The following CNTN1 variants were observed in gnomAD, a reference collection of about 807,000 sequenced individuals.
CNTN1 encodes contactin 1.
Under a neutral mutation model 126.4 loss-of-function variants are expected in CNTN1, and 38 were observed. The observed-to-expected ratio is 0.30, with a 90% CI of 0.23 to 0.39. The LOEUF (loss-of-function observed/expected upper bound fraction) is 0.39, where lower values mean the gene tolerates loss of function less well. Ranked by LOEUF, CNTN1 falls within the 10% of genes least tolerant of loss-of-function variation. The probability of loss-of-function intolerance (pLI) is 1.00; values close to 1 mark genes in which losing one functional copy is unlikely to be tolerated. For synonymous variants in CNTN1, 413 were observed against 422.6 expected (o/e 0.98, Z 0.28); for missense variants, 1,009 against 1,248.4 (o/e 0.81, Z 2.89).
chr12:40,954,393 T>G (rs990992897), intron 14 of CNTN1, among the ~76,000 whole-genome samples: 8 of 152,070 alleles, frequency 5.3e-5, no homozygotes, highest in African/African-American at 1.7e-4. Flanking sequence ...TAAAAATTAC[T>G]TAGACATATA....
chr12:40,802,044 A>T (rs1940677917), intron 1 of CNTN1, among the ~76,000 whole-genome samples: 1 of 151,962 alleles, frequency 6.6e-6, no homozygotes, highest in African/African-American at 2.4e-5. Context: ...AAACATGAGC[A>T]GATGGTGTAG....
chr12:40,947,788 C>T (rs796336558), intron 14 of CNTN1, among the ~76,000 whole-genome samples: 49,106 of 99,968 alleles, frequency 0.49, 9,346 homozygotes, highest in African/African-American at 0.56. Flanking sequence ...TATATACACA[C>T]ACACACACAC....
At chr12:40,808,205 C>T (rs1366993852) in intron 1 of CNTN1, among the ~76,000 whole-genome samples, 1 of 152,026 alleles carries the variant, frequency 6.6e-6, no homozygotes, top group African/African-American at 2.4e-5. Flanking sequence ...GTGTTAAAAT[C>T]AAAATTTAAA....
intron 12 of CNTN1, 29 bp from the exon 13 acceptor site, chr12:40,943,568 G>T: frequency 2.0e-6 from 3 of 1,493,468 alleles, no homozygotes; most frequent in African/African-American, 1.4e-5. Flanking sequence ...AATCAGGTTT[G>T]TGAATTATAT....
intron 1 of CNTN1, among the ~76,000 whole-genome samples, chr12:40,754,731 A>G (rs1263591751): frequency 6.6e-6 from 1 of 152,082 alleles, no homozygotes; most frequent in African/African-American, 2.4e-5. Context: ...TTATGTTCAT[A>G]GTTTTAAAAA....
At chr12:40,892,955 T>TGAG (rs1555174966) in intron 1 of CNTN1, among the ~76,000 whole-genome samples, 2 of 134,868 alleles carry the variant, frequency 1.5e-5, no homozygotes, top group African/African-American at 6.4e-5. Flanking sequence ...AAATGAAAAC[T>TGAG]GGGGGGGGTG....
intron 1 of CNTN1, among the ~76,000 whole-genome samples, chr12:40,816,622 GT>G (rs1941264331): frequency 1.3e-5 from 2 of 151,226 alleles, no homozygotes; most frequent in African/African-American, 4.9e-5. Flanking sequence ...TTTTTGAAGG[GT>G]TTTTCGTGTC....
intron 15 of CNTN1, among the ~76,000 whole-genome samples, chr12:40,965,997 ACC>A (rs1491583547): frequency 2.1e-3 from 246 of 119,966 alleles, no homozygotes; most frequent in African/African-American, 7.8e-3. Flanking sequence ...ACCTCATCAC[ACC>A]ACACACACAC....
intron 15 of CNTN1, among the ~76,000 whole-genome samples, chr12:40,967,313 T>G (rs561614172): frequency 6.6e-6 from 1 of 152,016 alleles, no homozygotes; most frequent in South Asian, 2.1e-4. Context: ...AAACCCCATC[T>G]CTACTAAAAA....
At chr12:40,986,722 T>C (rs1947962940) in intron 16 of CNTN1, among the ~76,000 whole-genome samples, 1 of 152,152 alleles carries the variant, frequency 6.6e-6, no homozygotes, top group African/African-American at 2.4e-5. Flanking sequence ...CCTGCCACTA[T>C]CTCATGTTTG....
At chr12:40,797,328 C>A (rs1940475795) in intron 1 of CNTN1, among the ~76,000 whole-genome samples, 1 of 152,076 alleles carries the variant, frequency 6.6e-6, no homozygotes, top group South Asian at 2.1e-4. Flanking sequence ...GGAATATGAT[C>A]TGGGAGTTTT....
intron 6 of CNTN1, among the ~76,000 whole-genome samples, chr12:40,925,842 GTGTATA>G (rs375676877): frequency 0.28 from 36,647 of 128,606 alleles, 5,338 homozygotes; most frequent in Middle Eastern, 0.36. Context: ...ATGTGTGTGT[GTGTATA>G]TATATATATA....
At chr12:40,935,596 G>T (rs936034452) in intron 9 of CNTN1, among the ~76,000 whole-genome samples, 5 of 151,948 alleles carry the variant, frequency 3.3e-5, no homozygotes, top group African/African-American at 1.2e-4. Flanking sequence ...TGTTGTCTTT[G>T]TGAGGCCAAG....
At chr12:40,967,385 C>T (rs1315191960) in intron 15 of CNTN1, among the ~76,000 whole-genome samples, 1 of 152,008 alleles carries the variant, frequency 6.6e-6, no homozygotes, top group East Asian at 1.9e-4. Flanking sequence ...GAGGCTGAGA[C>T]AGGAGAATCA....
intron 1 of CNTN1, among the ~76,000 whole-genome samples, chr12:40,834,718 A>T (rs1341173842): frequency 6.6e-6 from 1 of 152,138 alleles, no homozygotes; most frequent in Non-Finnish European, 1.5e-5. Flanking sequence ...AAACAACTAC[A>T]ATTGTCCCTT....
At chr12:40,765,376 C>A (rs1215214309) in intron 1 of CNTN1, among the ~76,000 whole-genome samples, 1 of 152,060 alleles carries the variant, frequency 6.6e-6, no homozygotes, top group Non-Finnish European at 1.5e-5. Context: ...AAGTTTGGAG[C>A]TCAGTGAAAG....
At chr12:41,035,783 G>T (rs1949245756) in intron 23 of CNTN1, among the ~76,000 whole-genome samples, 1 of 152,088 alleles carries the variant, frequency 6.6e-6, no homozygotes, top group African/African-American at 2.4e-5. Flanking sequence ...AAAGGAGGCT[G>T]GTGTAACTAG....
At chr12:41,045,051 A>G (rs1330544620) in intron 23 of CNTN1, among the ~76,000 whole-genome samples, 6 of 151,996 alleles carry the variant, frequency 3.9e-5, no homozygotes, top group Non-Finnish European at 8.8e-5. Context: ...CTAATTTTGT[A>G]TTTTTCTATG....
At chr12:40,782,154 A>G (rs1049091004) in intron 1 of CNTN1, among the ~76,000 whole-genome samples, 5 of 151,960 alleles carry the variant, frequency 3.3e-5, no homozygotes, top group African/African-American at 1.2e-4. Context: ...AAAAGTTCCA[A>G]TAATAGTGTT....
Sources: allele counts gnomAD v4.1 joint callset (sites outside exome capture counted in the v4.1 genomes callset), GRCh38; gene constraint gnomAD v4.1.1; transcripts MANE v1.5; gene names NCBI Gene and HGNC (gene_info 2026-07-23, HGNC 2026-07-21).